TBCEL: variants seen among roughly 807,000 people sequenced by gnomAD.
TBCEL encodes tubulin-specific chaperone cofactor E-like protein.
TBCEL carries 15 observed loss-of-function variants against 44.2 expected under a neutral mutation model. The ratio of observed to expected loss-of-function variants is 0.34; its 90% confidence interval spans 0.23 to 0.52. The LOEUF (loss-of-function observed/expected upper bound fraction) is 0.52. Ranked by LOEUF, TBCEL falls within the 20% of genes least tolerant of loss-of-function variation. TBCEL has a pLI of 0.95. For synonymous variants in TBCEL, 171 were observed against 185.4 expected (o/e 0.92, Z 0.63); for missense variants, 319 against 506.3 (o/e 0.63, Z 3.55).
chr11:121,067,625 T>A (rs1945844124), intron 8 of TBCEL, among the ~76,000 whole-genome samples: 1 of 152,234 alleles, frequency 6.6e-6, no homozygotes, highest in Admixed American at 6.5e-5. Flanking sequence ...GTCAATGGAC[T>A]CTTTTCTTTT....
At chr11:121,039,494 C>T (rs575202743) in intron 2 of TBCEL, among the ~76,000 whole-genome samples, 29 of 152,172 alleles carry the variant, frequency 1.9e-4, no homozygotes, top group African/African-American at 5.1e-4. Context: ...TAGTGTTTGG[C>T]GTAGATTTAG....
At chr11:121,040,410 C>T (rs1945310101) in intron 2 of TBCEL, among the ~76,000 whole-genome samples, 1 of 152,130 alleles carries the variant, frequency 6.6e-6, no homozygotes, top group Non-Finnish European at 1.5e-5. Flanking sequence ...GGAGCTTTAG[C>T]TTTGCCCCTG....
At chr11:121,070,558 T>A (rs1049510748) in intron 8 of TBCEL, among the ~76,000 whole-genome samples, 2 of 152,064 alleles carry the variant, frequency 1.3e-5, no homozygotes, top group African/African-American at 4.8e-5. Context: ...TTGTAGGGAC[T>A]TGGATGAAGC....
chr11:121,030,515 A>T (rs1945124325), intron 1 of TBCEL, among the ~76,000 whole-genome samples: 2 of 152,202 alleles, frequency 1.3e-5, no homozygotes, highest in Admixed American at 6.5e-5. Context: ...CTTGAACAAG[A>T]ATAAAGTAAT....
chr11:121,062,398 G>T (rs760833359), intron 8 of TBCEL, among the ~76,000 whole-genome samples: 6 of 152,038 alleles, frequency 3.9e-5, no homozygotes, highest in Admixed American at 6.6e-5. Flanking sequence ...ATTATGTACT[G>T]TACATAATTT....
intron 8 of TBCEL, among the ~76,000 whole-genome samples, chr11:121,070,504 C>T (rs1945908898): frequency 6.6e-6 from 1 of 152,196 alleles, no homozygotes; most frequent in African/African-American, 2.4e-5. Flanking sequence ...ACATATACAC[C>T]ATGGAATACT....
At position 121,038,004 on chromosome 11, in the gene TBCEL, G is replaced by A. The variant is rs567800693; in HGVS notation, c.-18+1392G>A. On this transcript the variant is annotated intron_variant, in intron 2 of 8. Transcript: ENST00000683345. ...AGACGGAGTCTTGCTCTGTCACCCA[G>A]GCTGGAGTGCAGTGGCACGATCTCG... Among the ~76,000 whole-genome samples, 6 of 151,590 alleles carry A rather than the reference G, an allele frequency of 4.0e-5. No homozygotes were observed. The East Asian group carries it at 9.7e-4, about 25-fold the overall frequency.
intron 8 of TBCEL, among the ~76,000 whole-genome samples, chr11:121,085,288 A>G (rs1399056726): frequency 1.3e-5 from 2 of 151,956 alleles, no homozygotes; most frequent in Non-Finnish European, 2.9e-5. Context: ...TCTGCCCACC[A>G]TGGCCTCCCA....
intron 6 of TBCEL, 52 bp downstream of exon 6, chr11:121,055,360 C>T (rs1945600768): frequency 1.4e-6 from 2 of 1,450,006 alleles, no homozygotes; most frequent in East Asian, 2.5e-5. Flanking sequence ...TGAGCATATG[C>T]ATGAAATACA....
At chr11:121,067,950 A>G (rs142026616) in intron 8 of TBCEL, among the ~76,000 whole-genome samples, 92 of 152,372 alleles carry the variant, frequency 6.0e-4, no homozygotes, top group Non-Finnish European at 1.1e-3. Flanking sequence ...AGCTAGAGAT[A>G]TATTTCCTTT....
At chr11:121,084,059 G>A (rs1415435984) in intron 8 of TBCEL, among the ~76,000 whole-genome samples, 1 of 152,174 alleles carries the variant, frequency 6.6e-6, no homozygotes, top group Non-Finnish European at 1.5e-5. Flanking sequence ...AGGATAACGG[G>A]TGGACTCCCT....
chr11:121,038,654 G>C (rs1411261563), intron 2 of TBCEL, among the ~76,000 whole-genome samples: 1 of 152,012 alleles, frequency 6.6e-6, no homozygotes, highest in Non-Finnish European at 1.5e-5. Context: ...TTTGAAGATA[G>C]CTGGGAGATT....
intron 8 of TBCEL, among the ~76,000 whole-genome samples, chr11:121,081,694 C>G (rs1259260283): frequency 6.6e-6 from 1 of 152,136 alleles, no homozygotes; most frequent in Non-Finnish European, 1.5e-5. Context: ...CTCAAATTTA[C>G]TGGATATTTT....
At chr11:121,039,707 G>C (rs978509973) in intron 2 of TBCEL, among the ~76,000 whole-genome samples, 1 of 152,190 alleles carries the variant, frequency 6.6e-6, no homozygotes, top group Admixed American at 6.5e-5. Flanking sequence ...TCATTCTCAG[G>C]TTGTCTTGTG....
In TBCEL at chr11:121,090,727, AATAT is replaced by A. The variant is rs759296256; in HGVS notation, c.*3639_*3642del. On this transcript the variant is annotated 3_prime_UTR_variant, in exon 9 of 9. Transcript: ENST00000683345. ...AGGTCTATTCTTTGCACTTTTTATT[AATAT>A]ATATATAGATAATCTTTAAAAAAAT... The A allele has an allele frequency of 6.6e-6, 1 of 150,502 alleles. No homozygotes were observed. The highest frequency in any genetic ancestry group is 1.5e-5 in the Non-Finnish European group (1 of 67,700). The allele number at this position is 150,502 out of a possible 1,614,324, so 9.3% of individuals were successfully genotyped here.
intron 8 of TBCEL, among the ~76,000 whole-genome samples, chr11:121,075,934 T>G (rs1946025494): frequency 6.6e-6 from 1 of 151,968 alleles, no homozygotes. Flanking sequence ...TCCAGCAATA[T>G]TCACTGGTAA....
At chr11:121,047,436 G>T (rs1414999169) in intron 3 of TBCEL, 92 bp from the exon 4 acceptor site, 2 of 1,460,684 alleles carry the variant, frequency 1.4e-6, no homozygotes, top group Non-Finnish European at 1.9e-6. Context: ...CACACAGTTT[G>T]ATTTTTGTTT....
At chr11:121,024,329 C>G (rs956932185) in intron 1 of TBCEL, 38 bp downstream of exon 1, 2 of 152,390 alleles carry the variant, frequency 1.3e-5, no homozygotes, top group Admixed American at 6.5e-5. Flanking sequence ...GCCGGGCTCT[C>G]GAGGCCCGAG....
intron 1 of TBCEL, among the ~76,000 whole-genome samples, chr11:121,031,662 CTTTTTTTT>C (rs1159376351): frequency 1.5e-4 from 15 of 101,876 alleles, no homozygotes; most frequent in East Asian, 1.2e-3. Context: ...TTTTTTCTTT[CTTTTTTTT>C]TTTTTTTTTT....
Sources: gnomAD v4.1 joint callset for allele counts (sites outside exome capture counted in the v4.1 genomes callset) on GRCh38, gnomAD v4.1.1 for gene constraint, MANE v1.5 for transcripts, NCBI Gene and HGNC (gene_info 2026-07-23, HGNC 2026-07-21) for gene names.